The following DSCAM variants were observed in gnomAD, a reference collection of about 807,000 sequenced individuals.
DSCAM encodes cell adhesion molecule DSCAM.
Under a neutral mutation model 217.7 loss-of-function variants are expected in DSCAM, and 47 were observed. That is an observed-to-expected ratio of 0.22 (90% CI 0.17 to 0.28). The LOEUF (loss-of-function observed/expected upper bound fraction) is 0.28, where lower values mean the gene tolerates loss of function less well. Among genes scored for constraint, DSCAM ranks in the 10% least tolerant of loss-of-function variants. DSCAM has a pLI of 1.00. For missense variants in DSCAM, 2,080 were observed against 2,618.3 expected, an observed-to-expected ratio of 0.79 and a Z score of 4.49; for synonymous variants, 1,056 against 1,015.3, an observed-to-expected ratio of 1.04 and a Z score of -0.76.
At position 40,754,405 on chromosome 21, in the gene DSCAM, C is replaced by T. The variant is rs534490908; in HGVS notation, c.44-45634G>A. On this transcript the variant is annotated intron_variant, in intron 1 of 32. Transcript: ENST00000400454. ...GTAGTTTATGTGAGGTAGTTGGTTT[C>T]AGGAAACACAGGCAGGAAAGGAGGC... Among the ~76,000 whole-genome samples the T allele has an allele frequency of 1.1e-3, 168 of 152,294 alleles. 2 individuals are homozygous for T. Among genetic ancestry groups the T allele is most frequent in the South Asian group, 5.4e-3 (26 of 4,822 alleles).
At chr21:40,137,406 G>T (rs1477969746) in intron 18 of DSCAM, among the ~76,000 whole-genome samples, 1 of 152,030 alleles carries the variant, frequency 6.6e-6, no homozygotes, top group Non-Finnish European at 1.5e-5. Flanking sequence ...AGGCTGTGAA[G>T]GAAGGCTATT....
At chr21:40,791,626 C>T (rs2091644628) in intron 1 of DSCAM, among the ~76,000 whole-genome samples, 1 of 152,108 alleles carries the variant, frequency 6.6e-6, no homozygotes, top group East Asian at 1.9e-4. Flanking sequence ...GCACTCCAGC[C>T]TGGGCGACAG....
chr21:40,286,921 A>G (rs113133970), intron 10 of DSCAM, among the ~76,000 whole-genome samples: 1 of 142,950 alleles, frequency 7.0e-6, no homozygotes, highest in Admixed American at 6.9e-5. Context: ...GATCTGCAGT[A>G]TGATCCACGT....
At chr21:40,229,712 G>C (rs1050250594) in intron 11 of DSCAM, among the ~76,000 whole-genome samples, 2 of 152,208 alleles carry the variant, frequency 1.3e-5, no homozygotes, top group African/African-American at 4.8e-5. Flanking sequence ...ACTGTCGAGA[G>C]ATGTACCAAA....
rs1157264606 is a variant in DSCAM at position 40,324,127 on chromosome 21, AAAAAG to A, written c.1784-11773_1784-11769del. ...TCAAAAAAAAAAAAAAAAAAAAAAA[AAAAAG>A]AAAAAAAAAAGAGAGAGAGAGAAAA... On this transcript the variant is annotated intron_variant, in intron 8 of 32. Coordinates refer to ENST00000400454, the MANE Select transcript of DSCAM (RefSeq NM_001389.5). Among the ~76,000 whole-genome samples the A allele has an allele frequency of 2.6e-3, 334 of 129,008 alleles. 6 individuals are homozygous for A. The highest frequency in any genetic ancestry group is 0.012 in the African/African-American group (321 of 27,326). The allele number at this position is 129,008 out of a possible 152,430, so 84.6% of individuals were successfully genotyped here.
At chr21:40,069,776 T>G (rs1187681133) in intron 27 of DSCAM, among the ~76,000 whole-genome samples, 2 of 152,218 alleles carry the variant, frequency 1.3e-5, no homozygotes, top group Non-Finnish European at 2.9e-5. Flanking sequence ...GTAGCTATTT[T>G]TGCAAGGGCT....
chr21:40,807,060 T>A (rs2091794414), intron 1 of DSCAM, among the ~76,000 whole-genome samples: 1 of 152,216 alleles, frequency 6.6e-6, no homozygotes, highest in African/African-American at 2.4e-5. Context: ...TATACCTATG[T>A]AACAAATCTG....
intron 1 of DSCAM, among the ~76,000 whole-genome samples, chr21:40,788,520 T>C (rs915161980): frequency 1.3e-5 from 2 of 152,234 alleles, no homozygotes; most frequent in African/African-American, 2.4e-5. Context: ...CTTATCCATA[T>C]AGGTCCCTTT....
chr21:40,091,016 C>T (rs1020802829), intron 21 of DSCAM, among the ~76,000 whole-genome samples: 3 of 152,196 alleles, frequency 2.0e-5, no homozygotes, highest in Non-Finnish European at 4.4e-5. Context: ...TTCTGCCTCT[C>T]TGCAGTCCAT....
intron 1 of DSCAM, among the ~76,000 whole-genome samples, chr21:40,771,353 AG>A (rs1457863759): frequency 2.0e-5 from 3 of 152,200 alleles, no homozygotes; most frequent in Non-Finnish European, 1.5e-5. Flanking sequence ...AAACGGATGG[AG>A]GAGGGAGTAT....
At chr21:40,530,431 A>G (rs1729739326) in intron 3 of DSCAM, among the ~76,000 whole-genome samples, 1 of 152,304 alleles carries the variant, frequency 6.6e-6, no homozygotes, top group Admixed American at 6.5e-5. Flanking sequence ...AGCTCTGATA[A>G]CAGGTGGTGT....
At position 40,749,962 on chromosome 21, in the gene DSCAM, A is replaced by C. The variant is rs569513537; in HGVS notation, c.44-41191T>G. Among the ~76,000 whole-genome samples, 6 of 149,138 alleles carry C rather than the reference A, an allele frequency of 4.0e-5. No homozygotes were observed. The South Asian group carries it at 1.3e-3, about 32-fold the overall frequency. ...CTTTTTTTTTTTCCTTTTTTGAGAC[A>C]TGTTACCCAGGCTGGAGTGCAGTGG... On this transcript the variant is annotated intron_variant, in intron 1 of 32. Coordinates refer to ENST00000400454, the MANE Select transcript of DSCAM (RefSeq NM_001389.5).
chr21:40,359,096 A>G lies in DSCAM; in HGVS notation c.656-5353T>C, dbSNP rs147418457. ...CACAGTAAGACATGACTTCACACCC[A>G]TTAGGATGACTGCAATAAAATCACA... is the stretch of plus-strand genomic sequence containing the variant. On this transcript the variant is annotated intron_variant, in intron 4 of 32. Coordinates refer to ENST00000400454, the MANE Select transcript of DSCAM (RefSeq NM_001389.5). Among the ~76,000 whole-genome samples, 165 of 152,320 alleles carry G rather than the reference A, an allele frequency of 1.1e-3. 3 individuals carry two copies. In the East Asian group the frequency reaches 0.03, roughly 28 times the overall value.
At chr21:40,672,534 G>C (rs2090289330) in intron 3 of DSCAM, among the ~76,000 whole-genome samples, 1 of 152,058 alleles carries the variant, frequency 6.6e-6, no homozygotes, top group Non-Finnish European at 1.5e-5. Flanking sequence ...AAAGAAAACA[G>C]CTTGAGCAAA....
chr21:40,600,541 T>G (rs2077054563), intron 3 of DSCAM, among the ~76,000 whole-genome samples: 2 of 152,162 alleles, frequency 1.3e-5, no homozygotes, highest in African/African-American at 2.4e-5. Flanking sequence ...ACCAACTTAT[T>G]AATTTGTCCT....
chr21:40,053,501 G>A (rs967554236), intron 29 of DSCAM, among the ~76,000 whole-genome samples: 2 of 152,196 alleles, frequency 1.3e-5, no homozygotes, highest in Non-Finnish European at 2.9e-5. Context: ...GATGATCTGC[G>A]GGGCTAGGTT....
chr21:40,272,153 A>G (rs545758080), intron 11 of DSCAM, among the ~76,000 whole-genome samples: 5 of 151,964 alleles, frequency 3.3e-5, no homozygotes, highest in Non-Finnish European at 5.9e-5. Context: ...CATAAGTGGC[A>G]TAGCTTCTGT....
intron 20 of DSCAM, among the ~76,000 whole-genome samples, chr21:40,119,959 G>A (rs431425): frequency 0.31 from 47,033 of 151,758 alleles, 9,001 homozygotes; most frequent in South Asian, 0.52. Context: ...GTCCCCTTTC[G>A]CTCTCAGCCT....
chr21:40,502,692 T>A (rs1056516317), intron 3 of DSCAM, among the ~76,000 whole-genome samples: 5 of 152,136 alleles, frequency 3.3e-5, no homozygotes, highest in South Asian at 2.1e-4. Context: ...TGTCATGACA[T>A]TGGACTCACC....
Sources: allele counts gnomAD v4.1 joint callset (sites outside exome capture counted in the v4.1 genomes callset), GRCh38; gene constraint gnomAD v4.1.1; transcripts MANE v1.5; gene names NCBI Gene and HGNC (gene_info 2026-07-23, HGNC 2026-07-21).